ARHGEF19: variants seen among roughly 807,000 people sequenced by gnomAD.
ARHGEF19 encodes Rho guanine nucleotide exchange factor 19, also known as Rho guanine nucleotide exchange factor (GEF) 19.
A neutral mutation model predicts 87.6 loss-of-function variants in ARHGEF19; 92 were observed. The observed-to-expected ratio is 1.05, with a 90% CI of 0.89 to 1.25. The LOEUF (loss-of-function observed/expected upper bound fraction) is 1.25, where lower values mean the gene tolerates loss of function less well. Ranked by LOEUF, ARHGEF19 falls within the 50% of genes most tolerant of loss-of-function variation. The pLI, the probability that ARHGEF19 is intolerant of heterozygous loss-of-function variation, is 0.00. For missense variants in ARHGEF19, 1,054 were observed against 1,051.8 expected, an observed-to-expected ratio of 1.00 and a Z score of -0.03; for synonymous variants, 438 against 446.2, an observed-to-expected ratio of 0.98 and a Z score of 0.23.
rs1024986383 is a variant in ARHGEF19 at position 16,205,003 on chromosome 1, A to G, written c.1746+84T>C. ...GGTAGATGGGAGGGTGTGGGCAGCG[A>G]TTAACTGGCCTGAAGCCCCCAGGGC... On this transcript the variant is annotated intron_variant, in intron 11 of 15. Transcript: ENST00000270747. This position sits in a 1 kb window ranked among gnomAD's most constrained non-coding sequence, Gnocchi z 5.8. 6.4e-7 allele frequency: 1 copy of G among 1,563,158 alleles called. No homozygotes were observed. The highest frequency in any genetic ancestry group is 8.7e-7 in the Non-Finnish European group (1 of 1,153,184).
chr1:16,199,657 T>G (rs2081069089), intron 14 of ARHGEF19, among the ~76,000 whole-genome samples: 1 of 152,004 alleles, frequency 6.6e-6, no homozygotes, highest in African/African-American at 2.4e-5. Context: ...GTGCTCCCTT[T>G]GGCCCATCCT....
intron 14 of ARHGEF19, among the ~76,000 whole-genome samples, chr1:16,200,082 TA>T (rs2081071786): frequency 6.6e-6 from 1 of 152,210 alleles, no homozygotes; most frequent in Non-Finnish European, 1.5e-5. Flanking sequence ...ATAGAGAGCT[TA>T]CCCCCACCCA....
Position 16,205,315 on chromosome 1 carries a change from T to C in ARHGEF19, c.1656+36A>G. ...ACGTGCTGGGGGTCCAGGGGGGGCCTCAGGAGCCAAGCAGCCCCTGCCCTG... is the reference window on the plus strand; with the variant it reads ...ACGTGCTGGGGGTCCAGGGGGGGCCCCAGGAGCCAAGCAGCCCCTGCCCTG... On this transcript the variant is annotated intron_variant, in intron 10 of 15. Transcript: ENST00000270747. This position sits in a 1 kb window ranked among gnomAD's most constrained non-coding sequence, Gnocchi z 5.8. 1 of 1,612,998 alleles carries C rather than the reference T, an allele frequency of 6.2e-7. No individual in the cohort carries two copies. The highest frequency in any genetic ancestry group is 8.5e-7 in the Non-Finnish European group (1 of 1,179,292).
At position 16,205,555 on chromosome 1, in the gene ARHGEF19, G is replaced by A. The variant is rs937969285; in HGVS notation, c.1564C>T (p.Leu522Phe). Residue 522 changes from leucine (L) to phenylalanine (F), a missense_variant, in exon 9 of 16, where the codon CTC becomes TTC. Transcript: ENST00000270747. The surrounding 1 kb of genome is among the most constrained non-coding windows in gnomAD (Gnocchi z 5.8). ...CGAGGTACCTCCACCAACATCTTGA[G>A]GCGGGTGATCCTCTGGAAGGGCAGG... ...LILPFQRITRLKMLVENILKR... is the reference protein window; with the variant it reads ...LILPFQRITRFKMLVENILKR... 4 of 1,613,942 alleles carry A rather than the reference G, an allele frequency of 2.5e-6. No individual in the cohort carries two copies. The African/African-American group carries it at 4.0e-5, about 16-fold the overall frequency.
chr1:16,206,898 G>C lies in ARHGEF19; in HGVS notation c.1137+50C>G. The C allele has an allele frequency of 7.1e-7, 1 of 1,400,840 alleles. No homozygotes were observed. The highest frequency in any genetic ancestry group is 2.5e-4 in the Middle Eastern group (1 of 4,002). 86.8% of individuals were successfully genotyped at this position (1,400,840 alleles called of 1,614,324 possible). The stretch of plus-strand genomic sequence containing the variant: ...CCGGTTCCCGCTAAGTCCCCGGACC[G>C]CGTACTCCCCGGCCCGCCCCCGCCC... On this transcript the variant is annotated intron_variant, in intron 6 of 15. Transcript: ENST00000270747. This position sits in a 1 kb window ranked among gnomAD's most constrained non-coding sequence, Gnocchi z 4.6.
In ARHGEF19 at chr1:16,208,959, C is replaced by T; in HGVS notation, c.96G>A (p.Leu32=). 1 of 1,563,234 alleles carries T rather than the reference C, an allele frequency of 6.4e-7. No individual in the cohort carries two copies. ...TCAGGGCGGGCAGCTCTGCAAAGGA[C>T]AGACTCTCCTGCTGGCACACTGCTA... ...HPVAVCQQES[L]SFAELPALKP... The change falls in exon 2 of 16, where the codon CTG becomes CTA. Residue 32 remains leucine, a synonymous_variant. Coordinates refer to ENST00000270747, the MANE Select transcript of ARHGEF19 (RefSeq NM_153213.5).
chr1:16,211,279 C>T (rs533156857), intron 1 of ARHGEF19, among the ~76,000 whole-genome samples: 14 of 141,306 alleles, frequency 9.9e-5, no homozygotes, highest in Non-Finnish European at 2.2e-4. Flanking sequence ...TGCCCACAGA[C>T]GGGTCTCTTT....
chr1:16,209,970 C>A (rs1390567016), intron 1 of ARHGEF19, among the ~76,000 whole-genome samples: 3 of 152,264 alleles, frequency 2.0e-5, no homozygotes, highest in Non-Finnish European at 4.4e-5. Context: ...GTCCCCCACC[C>A]CAGCTTCCAG....
chr1:16,201,664 C>CAGGG, intron 14 of ARHGEF19, 118 bp downstream of exon 14: 1 of 1,061,340 alleles, frequency 9.4e-7, no homozygotes, highest in Non-Finnish European at 1.3e-6. Flanking sequence ...CCCTGACTGC[C>CAGGG]CCAGAAGTTG....
chr1:16,208,602 C>T, intron 2 of ARHGEF19, 41 bp downstream of exon 2: 2 of 1,553,782 alleles, frequency 1.3e-6, no homozygotes, highest in Non-Finnish European at 1.7e-6. Context: ...CCCTATCCCC[C>T]TGCCATGGCA....
chr1:16,199,698 C>CCT (rs33945403), intron 14 of ARHGEF19, among the ~76,000 whole-genome samples: 36,130 of 151,996 alleles, frequency 0.24, 4,722 homozygotes, highest in South Asian at 0.39. Flanking sequence ...GCATCGCTCC[C>CCT]GTTTAAAGCC....
In ARHGEF19 at chr1:16,206,442, G is replaced by A. The variant is rs1200382645; in HGVS notation, c.1138-102C>T. 4 of 1,331,672 alleles carry A rather than the reference G, an allele frequency of 3.0e-6. No individual in the cohort carries two copies. Among genetic ancestry groups the A allele is most frequent in the African/African-American group, 1.5e-5 (1 of 68,672 alleles). The allele number at this position is 1,331,672 out of a possible 1,614,324, so 82.5% of individuals were successfully genotyped here. ...CCAGGACGCCACACCTCGCGTCCTC[G>A]CCCCTTCTCTAGCCCCACTCCTAAT... On this transcript the variant is annotated intron_variant, in intron 6 of 15. Transcript: ENST00000270747. The surrounding 1 kb of genome is among the most constrained non-coding windows in gnomAD (Gnocchi z 4.6).
intron 12 of ARHGEF19, among the ~76,000 whole-genome samples, chr1:16,203,792 T>C (rs373364686): frequency 6.6e-6 from 1 of 152,310 alleles, no homozygotes; most frequent in African/African-American, 2.4e-5. Context: ...CTGTCCTCTA[T>C]GAAGCTTTAT....
chr1:16,202,667 G>C, intron 12 of ARHGEF19, 93 bp from the exon 13 acceptor site: 4 of 1,504,162 alleles, frequency 2.7e-6, no homozygotes, highest in Admixed American at 2.0e-5. Flanking sequence ...TGGAAGTGGG[G>C]AGAAGGGGTT....
chr1:16,206,813 AC>A lies in ARHGEF19; in HGVS notation c.1137+134del. 8.4e-7 allele frequency: 1 copy of A among 1,185,754 alleles called. No homozygotes were observed. Among genetic ancestry groups the A allele is most frequent in the Non-Finnish European group, 1.1e-6 (1 of 900,432 alleles). 73.5% of individuals were successfully genotyped at this position (1,185,754 alleles called of 1,614,324 possible). The stretch of plus-strand genomic sequence containing the variant: ...CTCGTGTAGTCAGGTCCTAGAGCCA[AC>A]CTTCCGCGCGGACAGTCGCGCCAGC... On this transcript the variant is annotated intron_variant, in intron 6 of 15. Coordinates refer to ENST00000270747, the MANE Select transcript of ARHGEF19 (RefSeq NM_153213.5). This position sits in a 1 kb window ranked among gnomAD's most constrained non-coding sequence, Gnocchi z 4.6.
intron 2 of ARHGEF19, 110 bp from the exon 3 acceptor site, chr1:16,208,335 G>A: frequency 7.4e-7 from 1 of 1,345,670 alleles, no homozygotes; most frequent in Non-Finnish European, 9.9e-7. Context: ...CCATGCCCAA[G>A]GGAAGGGCCT....
At chr1:16,202,626 C>A (rs1326758015) in intron 12 of ARHGEF19, 52 bp from the exon 13 acceptor site, 1 of 1,581,128 alleles carries the variant, frequency 6.3e-7, no homozygotes, top group Admixed American at 1.7e-5. Flanking sequence ...TGGCTCTAGG[C>A]ACCCACCCTC....
In ARHGEF19 at chr1:16,207,330, CAG is replaced by C. The variant is rs1035787388; in HGVS notation, c.875-122_875-121del. 54 of 1,344,428 alleles carry C rather than the reference CAG, an allele frequency of 4.0e-5. No individual in the cohort carries two copies. In the African/African-American group the frequency reaches 8.7e-4, roughly 22 times the overall value. The allele number at this position is 1,344,428 out of a possible 1,614,324, so 83.3% of individuals were successfully genotyped here. A position where few individuals can be genotyped will look rare whatever the true frequency, so the allele number is the denominator to read the frequency against. ...TTGCCGCGGTTCGGATATCTGGACACAGTGAATTCATTCATTCATTCATTCAT... is the reference window on the plus strand; with the variant it reads ...TTGCCGCGGTTCGGATATCTGGACACTGAATTCATTCATTCATTCATTCAT... On this transcript the variant is annotated intron_variant, in intron 5 of 15. Coordinates refer to ENST00000270747, the MANE Select transcript of ARHGEF19 (RefSeq NM_153213.5). The surrounding 1 kb of genome is among the most constrained non-coding windows in gnomAD (Gnocchi z 4.0).
rs762420524 is a variant in ARHGEF19, at chr1:16,208,675, C to G, written c.380G>C (p.Arg127Pro). The change falls in exon 2 of 16, where the codon CGG becomes CCG. Residue 127 changes from arginine (R) to proline (P), a missense_variant. Transcript: ENST00000270747. ...WSPRHTQPQRRASHGSEKKSA... is the reference protein window; with the variant it reads ...WSPRHTQPQRPASHGSEKKSA... ...CTTCTTCTCCGAGCCGTGGCTGGCC[C>G]GGCGCTGTGGCTGTGTGTGTCGGGG... 6.2e-7 allele frequency: 1 copy of G among 1,606,872 alleles called. No individual in the cohort carries two copies. The highest frequency in any genetic ancestry group is 8.5e-7 in the Non-Finnish European group (1 of 1,177,814).
Sources: allele counts gnomAD v4.1 joint callset (sites outside exome capture counted in the v4.1 genomes callset), GRCh38; gene constraint gnomAD v4.1.1; non-coding constraint Gnocchi (gnomAD v3.1); transcripts MANE v1.5; gene names NCBI Gene and HGNC (gene_info 2026-07-23, HGNC 2026-07-21).